MAF: variants seen among roughly 807,000 people sequenced by gnomAD.
MAF encodes the protein MAF bZIP transcription factor, also known as transcription factor Maf.
A neutral mutation model predicts 22.0 loss-of-function variants in MAF; 10 were observed. The observed-to-expected ratio is 0.45, with a 90% CI of 0.28 to 0.77. MAF has a LOEUF of 0.77. Among genes scored for constraint, MAF ranks in the 30% least tolerant of loss-of-function variants. The pLI is 0.12. For synonymous variants in MAF, 337 were observed against 255.8 expected (o/e 1.32, Z -3.03); for missense variants, 544 against 548.4 (o/e 0.99, Z 0.08).
At chr16:79,463,232 T>C in the MAF span, among the ~76,000 whole-genome samples, 5 of 152,172 alleles carry the variant, frequency 3.3e-5, no homozygotes, top group African/African-American at 9.7e-5. Context: ...CCGGGTCACA[T>C]AGAGCCATGA....
At chr16:79,351,207 C>T in the MAF span, among the ~76,000 whole-genome samples, 159 of 152,244 alleles carry the variant, frequency 1.0e-3, 1 homozygote, top group Non-Finnish European at 1.8e-3. Flanking sequence ...CTTGTTTATC[C>T]GAGGACTGCA....
chr16:79,444,596 G>A, the MAF span, among the ~76,000 whole-genome samples: 1 of 152,204 alleles, frequency 6.6e-6, no homozygotes. Flanking sequence ...AAGGTCAGAG[G>A]ATCATTGTGA....
chr16:79,548,929 G>C, the MAF span, among the ~76,000 whole-genome samples: 1 of 152,130 alleles, frequency 6.6e-6, no homozygotes, highest in Non-Finnish European at 1.5e-5. Context: ...ATATTCACTA[G>C]CTAGTTATTC....
At chr16:79,475,961 G>A in the MAF span, among the ~76,000 whole-genome samples, 2 of 152,136 alleles carry the variant, frequency 1.3e-5, no homozygotes, top group Non-Finnish European at 2.9e-5. Flanking sequence ...GATAGAAAAG[G>A]TGCAGGGATA....
At chr16:79,597,589 TC>T (rs1913609642) in intron 1 of MAF, 5 of 1,022,230 alleles carry the variant, frequency 4.9e-6, no homozygotes, top group Non-Finnish European at 5.9e-6. Context: ...AGGTTGAAGT[TC>T]TGAGTAACTC....
At chr16:79,277,819 TGAG>T in the MAF span, among the ~76,000 whole-genome samples, 1 of 152,074 alleles carries the variant, frequency 6.6e-6, no homozygotes, top group Non-Finnish European at 1.5e-5. Flanking sequence ...AATTTGGAAG[TGAG>T]GAGAAGCATC....
chr16:79,214,712 T>TC, the MAF span, among the ~76,000 whole-genome samples: 1 of 119,146 alleles, frequency 8.4e-6, no homozygotes, highest in Non-Finnish European at 1.8e-5. Flanking sequence ...GCTTTTTTTT[T>TC]TTTTTTTTTT....
chr16:79,213,012 G>GCAATTAGCAAGTACT, the MAF span: 1 of 126,750 alleles, frequency 7.9e-6, no homozygotes, highest in African/African-American at 2.9e-5. Flanking sequence ...CTGCTCCCCT[G>GCAATTAGCAAGTACT]CAATTAGCAA....
At chr16:79,262,235 T>C in the MAF span, among the ~76,000 whole-genome samples, 1 of 152,118 alleles carries the variant, frequency 6.6e-6, no homozygotes, top group African/African-American at 2.4e-5. Flanking sequence ...AGCTCCTTAG[T>C]GAGGGCCAGA....
At chr16:79,564,420 C>A in the MAF span, among the ~76,000 whole-genome samples, 1 of 152,128 alleles carries the variant, frequency 6.6e-6, no homozygotes, top group South Asian at 2.1e-4. Flanking sequence ...CAACTGGGGA[C>A]CCAGAGATAG....
the MAF span, among the ~76,000 whole-genome samples, chr16:79,400,572 A>G: frequency 2.0e-5 from 3 of 152,238 alleles, no homozygotes; most frequent in South Asian, 6.2e-4. Flanking sequence ...CCTCCACTCT[A>G]AAATGGGTAG....
At chr16:79,228,296 C>A in the MAF span, among the ~76,000 whole-genome samples, 30 of 152,022 alleles carry the variant, frequency 2.0e-4, no homozygotes, top group Non-Finnish European at 2.8e-4. Flanking sequence ...ACAAGGAAAG[C>A]GTGAATACCT....
downstream of MAF, among the ~76,000 whole-genome samples, chr16:79,593,155 G>A (rs1210879983): frequency 6.6e-6 from 1 of 152,188 alleles, no homozygotes; most frequent in East Asian, 1.9e-4. Flanking sequence ...TAAATATATT[G>A]ATTGGCCTAG....
At chr16:79,236,957 A>C in the MAF span, among the ~76,000 whole-genome samples, 3 of 151,530 alleles carry the variant, frequency 2.0e-5, no homozygotes, top group East Asian at 1.9e-4. Flanking sequence ...AAAAAAAAAA[A>C]AACTCAAATC....
the MAF span, among the ~76,000 whole-genome samples, chr16:79,474,802 A>T: frequency 6.6e-6 from 1 of 152,296 alleles, no homozygotes; most frequent in South Asian, 2.1e-4. Context: ...GAAATCAAGG[A>T]TAAGATTCCT....
the MAF span, among the ~76,000 whole-genome samples, chr16:79,546,250 A>C: frequency 6.6e-6 from 1 of 151,990 alleles, no homozygotes; most frequent in Non-Finnish European, 1.5e-5. Context: ...ATCTTAATTT[A>C]AACACTATTG....
At chr16:79,403,037 C>T in the MAF span, among the ~76,000 whole-genome samples, 1 of 152,116 alleles carries the variant, frequency 6.6e-6, no homozygotes, top group Non-Finnish European at 1.5e-5. Flanking sequence ...AATCCTGCCT[C>T]TCTCATAATG....
the MAF span, among the ~76,000 whole-genome samples, chr16:79,308,026 C>T: frequency 6.6e-6 from 1 of 152,222 alleles, no homozygotes; most frequent in African/African-American, 2.4e-5. Flanking sequence ...GACCACCTGC[C>T]TGTGCCTCAG....
chr16:79,517,568 CTTTTTTT>C, the MAF span, among the ~76,000 whole-genome samples: 204 of 99,752 alleles, frequency 2.0e-3, no homozygotes, highest in East Asian at 2.5e-3. Flanking sequence ...ACTGTTTAGT[CTTTTTTT>C]TTTTTTTTTT....
Sources: gnomAD v4.1 joint callset for allele counts (sites outside exome capture counted in the v4.1 genomes callset) on GRCh38, gnomAD v4.1.1 for gene constraint, MANE v1.5 for transcripts, NCBI Gene and HGNC (gene_info 2026-07-23, HGNC 2026-07-21) for gene names.